The following KMT2C variants were observed in gnomAD, a reference collection of about 807,000 sequenced individuals.
KMT2C encodes lysine methyltransferase 2C, also known as histone-lysine N-methyltransferase 2C.
Under a neutral mutation model 507.9 loss-of-function variants are expected in KMT2C, and 88 were observed. The observed-to-expected ratio is 0.17, with a 90% CI of 0.15 to 0.21. KMT2C has a LOEUF of 0.21. KMT2C is among the 10% of genes least tolerant of loss of function. The probability of loss-of-function intolerance (pLI) is 1.00; values close to 1 mark genes in which losing one functional copy is unlikely to be tolerated. For synonymous variants in KMT2C, 2,049 were observed against 2,080.8 expected (o/e 0.98, Z 0.42); for missense variants, 4,954 against 5,957.8 (o/e 0.83, Z 5.55).
rs149653904 is a variant in KMT2C at position 152,161,092 on chromosome 7, T to C, written c.11460+1025A>G. 2.2e-3 allele frequency among the ~76,000 whole-genome samples: 332 copies of C among 152,260 alleles called. 2 individuals carry two copies. Among genetic ancestry groups the C allele is most frequent in the African/African-American group, 7.7e-3 (319 of 41,560 alleles). ...GCAAGTTATTCAGTACTCCTCAGGGTATAAGATGTCTTGGAGAAAGTGGAT... is the reference window on the plus strand; with the variant it reads ...GCAAGTTATTCAGTACTCCTCAGGGCATAAGATGTCTTGGAGAAAGTGGAT... On this transcript the variant is annotated intron_variant, in intron 43 of 58. Transcript: ENST00000262189.
At chr7:152,410,306 G>A (rs1212582120) in intron 1 of KMT2C, among the ~76,000 whole-genome samples, 1 of 152,276 alleles carries the variant, frequency 6.6e-6, no homozygotes, top group Admixed American at 6.5e-5. Context: ...CAGCTACTCG[G>A]GAGGCTGAGG....
chr7:152,432,556 C>T (rs2097872762), intron 1 of KMT2C, among the ~76,000 whole-genome samples: 1 of 152,116 alleles, frequency 6.6e-6, no homozygotes, highest in Admixed American at 6.6e-5. Flanking sequence ...GACATTTGTA[C>T]AATAGGAAAC....
chr7:152,210,539 G>GTT (rs879375465), intron 23 of KMT2C, among the ~76,000 whole-genome samples: 16 of 145,088 alleles, frequency 1.1e-4, no homozygotes, highest in African/African-American at 4.0e-4. Flanking sequence ...CTTTTTATGA[G>GTT]TTTTTTTTTT....
At chr7:152,160,553 G>A (rs1468689050) in intron 43 of KMT2C, among the ~76,000 whole-genome samples, 2 of 151,762 alleles carry the variant, frequency 1.3e-5, no homozygotes, top group Non-Finnish European at 2.9e-5. Flanking sequence ...GCTCCCACCT[G>A]ATGTGGATGC....
chr7:152,420,730 G>C (rs575210586), intron 1 of KMT2C, among the ~76,000 whole-genome samples: 1 of 152,068 alleles, frequency 6.6e-6, no homozygotes, highest in South Asian at 2.1e-4. Context: ...AGCTACTCGG[G>C]AAGCTGAGGC....
In KMT2C at chr7:152,143,470, A is replaced by G. The variant is rs528693327; in HGVS notation, c.14343+1243T>C. Among the ~76,000 whole-genome samples, 3 of 152,342 alleles carry G rather than the reference A, an allele frequency of 2.0e-5. No homozygotes were observed. The East Asian group carries it at 5.8e-4, about 29-fold the overall frequency. On this transcript the variant is annotated intron_variant, in intron 55 of 58. Transcript: ENST00000262189. ...CAGGAGGCCCCACCTCCAGAGCTGG[A>G]TTCAGTGAGGCTGGGCTGGGGCCCC...
chr7:152,385,292 T>C (rs2097414209), intron 1 of KMT2C, among the ~76,000 whole-genome samples: 1 of 150,908 alleles, frequency 6.6e-6, no homozygotes, highest in Admixed American at 6.6e-5. Context: ...TCGCAATAAG[T>C]AAGCCTTATT....
intron 7 of KMT2C, among the ~76,000 whole-genome samples, chr7:152,267,954 TTTTG>T (rs1408886123): frequency 1.3e-5 from 2 of 152,110 alleles, no homozygotes; most frequent in Non-Finnish European, 1.5e-5. Flanking sequence ...CTGCTTGAAA[TTTTG>T]TTTTTCTGCT....
At chr7:152,217,996 T>C (rs1588303405) in intron 23 of KMT2C, among the ~76,000 whole-genome samples, 1 of 152,208 alleles carries the variant, frequency 6.6e-6, no homozygotes. Context: ...CTCCTAAGTA[T>C]ATGGACTACT....
chr7:152,264,891 CAGTAATTTTTTTA>C, intron 8 of KMT2C, 134 bp downstream of exon 8: 1 of 701,588 alleles, frequency 1.4e-6, no homozygotes, highest in Non-Finnish European at 2.0e-6. Context: ...TTATAATATC[CAGTAATTTTTTTA>C]AGTATGATGA....
At chr7:152,250,015 A>G (rs2095539196) in intron 12 of KMT2C, 62 bp from the exon 13 acceptor site, 1 of 946,874 alleles carries the variant, frequency 1.1e-6, no homozygotes, top group Non-Finnish European at 1.7e-6. Flanking sequence ...CTGTTCCCTC[A>G]ACAGTAATTT....
intron 42 of KMT2C, among the ~76,000 whole-genome samples, chr7:152,164,693 A>G (rs2092651424): frequency 6.6e-6 from 1 of 152,198 alleles, no homozygotes; most frequent in East Asian, 1.9e-4. Flanking sequence ...AATGGCTAAC[A>G]CTCAAATTAT....
At chr7:152,170,321 A>C (rs1395719683) in intron 40 of KMT2C, among the ~76,000 whole-genome samples, 1 of 152,112 alleles carries the variant, frequency 6.6e-6, no homozygotes, top group Non-Finnish European at 1.5e-5. Context: ...AGGGCAAGGA[A>C]GAAAACAGGA....
At chr7:152,252,755 T>C (rs763227412) in intron 9 of KMT2C, 40 bp from the exon 10 acceptor site, 6 of 1,455,516 alleles carry the variant, frequency 4.1e-6, no homozygotes, top group South Asian at 2.5e-5. Flanking sequence ...CAGTTTGTTA[T>C]GCATTTGTAA....
chr7:152,364,308 C>T (rs2097219658), intron 1 of KMT2C, among the ~76,000 whole-genome samples: 1 of 152,084 alleles, frequency 6.6e-6, no homozygotes. Flanking sequence ...CAAAAGATAA[C>T]ATCAAATGTA....
intron 6 of KMT2C, among the ~76,000 whole-genome samples, chr7:152,308,699 A>G (rs1203339438): frequency 1.4e-5 from 2 of 145,058 alleles, no homozygotes; most frequent in Non-Finnish European, 1.5e-5. Flanking sequence ...AAAAAAAAAA[A>G]AGGAAGGCCA....
At chr7:152,297,057 G>GAAAGAAAGAAAGAAAGAA (rs756980169) in intron 6 of KMT2C, among the ~76,000 whole-genome samples, 29 of 90,742 alleles carry the variant, frequency 3.2e-4, no homozygotes, top group East Asian at 1.5e-3. Context: ...AAGAAAGACA[G>GAAAGAAAGAAAGAAAGAA]AGAGAGAGAG....
chr7:152,178,041 A>AAAAAAAAAGC (rs759074589), intron 37 of KMT2C, 31 bp from the exon 38 acceptor site: 16 of 1,276,122 alleles, frequency 1.3e-5, no homozygotes, highest in Non-Finnish European at 1.6e-5. Context: ...AAAAAAAAAA[A>AAAAAAAAAGC]AGCAAATAGG....
intron 26 of KMT2C, among the ~76,000 whole-genome samples, chr7:152,201,183 T>A (rs2094125281): frequency 1.3e-5 from 2 of 152,022 alleles, no homozygotes; most frequent in African/African-American, 4.8e-5. Flanking sequence ...TTTAGTGTGT[T>A]TTACATTCCC....
Sources: allele counts gnomAD v4.1 joint callset (sites outside exome capture counted in the v4.1 genomes callset), GRCh38; gene constraint gnomAD v4.1.1; transcripts MANE v1.5; gene names NCBI Gene and HGNC (gene_info 2026-07-23, HGNC 2026-07-21).